Variants in FMN1 observed in about 807,000 individuals in gnomAD.
FMN1 encodes formin-1.
Under a neutral mutation model 132.4 loss-of-function variants are expected in FMN1, and 110 were observed. That is an observed-to-expected ratio of 0.83 (90% CI 0.71 to 0.97). FMN1 has a LOEUF of 0.97. Ranked by LOEUF, FMN1 falls within the 50% of genes least tolerant of loss-of-function variation. The pLI is 0.00. For missense variants in FMN1, 1,792 were observed against 1,705.3 expected (o/e 1.05, Z -0.90); for synonymous variants, 722 against 651.7 (o/e 1.11, Z -1.64).
At position 32,777,103 on chromosome 15, in the gene FMN1, G is replaced by A. The variant is rs80062147; in HGVS notation, c.4131-184C>T. ...GTTATTAAATTCAAATCCTAATTAGGTGTGAAGGCTTCTCTGCTTTATCAA... is the reference window on the plus strand; with the variant it reads ...GTTATTAAATTCAAATCCTAATTAGATGTGAAGGCTTCTCTGCTTTATCAA... On this transcript the variant is annotated intron_variant, in intron 19 of 20. Transcript: ENST00000616417. 0.14 allele frequency among the ~76,000 whole-genome samples: 20,612 copies of A among 152,120 alleles called. 1,472 individuals carry two copies. The highest frequency in any genetic ancestry group is 0.2 in the Middle Eastern group (60 of 294).
At chr15:33,000,136 G>A (rs1467808115) in intron 7 of FMN1, among the ~76,000 whole-genome samples, 4 of 152,132 alleles carry the variant, frequency 2.6e-5, no homozygotes, top group South Asian at 2.1e-4. Context: ...GAACTTCCAC[G>A]AGTAACTAAA....
intron 7 of FMN1, among the ~76,000 whole-genome samples, chr15:32,975,569 C>T (rs2032134932): frequency 1.3e-5 from 2 of 152,182 alleles, no homozygotes; most frequent in South Asian, 4.1e-4. Flanking sequence ...ATACTAAACA[C>T]TCTTCTGATC....
At chr15:33,067,757 C>A in intron 5 of FMN1, 1 of 1,613,996 alleles carries the variant, frequency 6.2e-7, no homozygotes, top group Non-Finnish European at 8.5e-7. Flanking sequence ...TTCTAATTTA[C>A]TCGTAAACCC....
At chr15:33,031,852 C>T (rs1254136546) in intron 6 of FMN1, among the ~76,000 whole-genome samples, 1 of 152,178 alleles carries the variant, frequency 6.6e-6, no homozygotes, top group Non-Finnish European at 1.5e-5. Flanking sequence ...AATATATGAA[C>T]AAATGTTCAA....
At chr15:33,124,905 G>T (rs903847869) in intron 4 of FMN1, among the ~76,000 whole-genome samples, 1 of 151,416 alleles carries the variant, frequency 6.6e-6, no homozygotes, top group Non-Finnish European at 1.5e-5. Flanking sequence ...TGGCACAAGG[G>T]CAAATGTTAA....
intron 4 of FMN1, among the ~76,000 whole-genome samples, chr15:33,129,324 G>A (rs996894035): frequency 6.6e-6 from 1 of 152,098 alleles, no homozygotes; most frequent in African/African-American, 2.4e-5. Flanking sequence ...TTCCAAATGA[G>A]GTAAATCACT....
chr15:33,108,079 G>A (rs913209291), intron 4 of FMN1, among the ~76,000 whole-genome samples: 1 of 151,998 alleles, frequency 6.6e-6, no homozygotes, highest in African/African-American at 2.4e-5. Context: ...AAAGAGTCTC[G>A]TGATTTCTCT....
At chr15:32,964,453 C>T (rs2030985655) in intron 8 of FMN1, among the ~76,000 whole-genome samples, 196 bp from the exon 9 acceptor site, 2 of 152,282 alleles carry the variant, frequency 1.3e-5, no homozygotes, top group African/African-American at 4.8e-5. Flanking sequence ...TTAAAACACA[C>T]ACAGACGTAT....
At chr15:32,870,149 T>C (rs1400243872) in intron 16 of FMN1, among the ~76,000 whole-genome samples, 5 of 152,190 alleles carry the variant, frequency 3.3e-5, no homozygotes, top group Non-Finnish European at 4.4e-5. Flanking sequence ...TTTTTGATAG[T>C]TTCCTTTCAT....
chr15:33,100,362 C>T (rs992707539), intron 4 of FMN1, among the ~76,000 whole-genome samples: 1 of 152,062 alleles, frequency 6.6e-6, no homozygotes, highest in Non-Finnish European at 1.5e-5. Context: ...AACAAATACA[C>T]TCAAAGGTTT....
At position 33,154,546 on chromosome 15, in the gene FMN1, G is replaced by A. The variant is rs1030917580; in HGVS notation, c.369C>T (p.Ser123=). ...AGTCATCCTCGGGGGCCAGGCTCAC[G>A]GACAGCTCTTGCAGCTTCCCCTCCT... ...GNQEGKLQEL[S]VSLAPEDDCF... Residue 123 remains serine (S), a synonymous_variant, in exon 4 of 21, where the codon TCC becomes TCT. Transcript: ENST00000616417. 9.8e-6 allele frequency: 15 copies of A among 1,535,938 alleles called. No individual in the cohort carries two copies. Among genetic ancestry groups the A allele is most frequent in the East Asian group, 2.4e-5 (1 of 40,914 alleles).
At chr15:33,166,958 T>C (rs915454336) in intron 3 of FMN1, among the ~76,000 whole-genome samples, 7 of 152,182 alleles carry the variant, frequency 4.6e-5, no homozygotes, top group Non-Finnish European at 8.8e-5. Flanking sequence ...AGCTCATGTG[T>C]TTCTTAGTAG....
At position 32,901,176 on chromosome 15, in the gene FMN1, G is replaced by GA. The variant is rs536797038; in HGVS notation, c.3507+734dup. 6.8e-3 allele frequency among the ~76,000 whole-genome samples: 1,031 copies of GA among 151,984 alleles called. 6 individuals carry two copies. Among genetic ancestry groups the GA allele is most frequent in the Middle Eastern group, 0.014 (4 of 294 alleles). On this transcript the variant is annotated intron_variant, in intron 13 of 20. Coordinates refer to ENST00000616417, the MANE Select transcript of FMN1 (RefSeq NM_001277313.2). ...TCTCAAAAAAAAAGAAAGAAAGAAA[G>GA]AAAGAAAAAAAATTCAGCTCCAGGC...
In FMN1 at chr15:33,190,268, T is replaced by A. The variant is rs377094923; in HGVS notation, c.-197+3641A>T. Among the ~76,000 whole-genome samples, 237 of 152,302 alleles carry A rather than the reference T, an allele frequency of 1.6e-3. 1 individual carries two copies. The highest frequency in any genetic ancestry group is 5.6e-3 in the African/African-American group (234 of 41,560). ...AGAGACTGAAAAGAGTTCTTGAAAC[T>A]CTAAAGAAGAGATTTTAGAGAACAT... On this transcript the variant is annotated intron_variant, in intron 2 of 20. Transcript: ENST00000616417.
At chr15:33,012,544 A>G (rs1277510086) in intron 6 of FMN1, 3 of 1,526,940 alleles carry the variant, frequency 2.0e-6, no homozygotes, top group Non-Finnish European at 1.8e-6. Context: ...AGGCAGTGGC[A>G]AGAAAAGGGG....
At chr15:32,852,143 G>C (rs1053907922) in intron 17 of FMN1, among the ~76,000 whole-genome samples, 1 of 152,138 alleles carries the variant, frequency 6.6e-6, no homozygotes, top group African/African-American at 2.4e-5. Context: ...CATGAGCCCA[G>C]CATCTCTACC....
intron 16 of FMN1, among the ~76,000 whole-genome samples, chr15:32,870,325 A>G (rs1250498058): frequency 6.6e-6 from 1 of 152,232 alleles, no homozygotes; most frequent in Non-Finnish European, 1.5e-5. Context: ...CTTTCTCCAG[A>G]GGAATGTTCC....
At chr15:32,845,554 T>C (rs2058836072) in intron 17 of FMN1, among the ~76,000 whole-genome samples, 1 of 152,214 alleles carries the variant, frequency 6.6e-6, no homozygotes, top group African/African-American at 2.4e-5. Context: ...GTTAGTAGGA[T>C]GGCACAGTAA....
chr15:33,186,873 G>T (rs780581569), intron 2 of FMN1, among the ~76,000 whole-genome samples: 1 of 152,156 alleles, frequency 6.6e-6, no homozygotes, highest in Non-Finnish European at 1.5e-5. Flanking sequence ...TATCTCCCTG[G>T]AGCACTTCTC....
Sources: allele counts gnomAD v4.1 joint callset (sites outside exome capture counted in the v4.1 genomes callset), GRCh38; gene constraint gnomAD v4.1.1; transcripts MANE v1.5; gene names NCBI Gene and HGNC (gene_info 2026-07-23, HGNC 2026-07-21).